The following PDE4D variants were observed in gnomAD, a reference collection of about 807,000 sequenced individuals.
PDE4D encodes the protein 3',5'-cyclic-AMP phosphodiesterase 4D.
A neutral mutation model predicts 87.4 loss-of-function variants in PDE4D; 24 were observed. That is an observed-to-expected ratio of 0.27 (90% CI 0.20 to 0.39). The LOEUF is 0.39. Ranked by LOEUF, PDE4D falls within the 10% of genes least tolerant of loss-of-function variation. The probability of loss-of-function intolerance (pLI) is 1.00; values close to 1 mark genes in which losing one functional copy is unlikely to be tolerated. For synonymous variants in PDE4D, 384 were observed against 383.2 expected (o/e 1.00, Z -0.02); for missense variants, 714 against 1,041.0 (o/e 0.69, Z 4.32).
At chr5:59,841,147 A>G (rs1196745261) in intron 1 of PDE4D, among the ~76,000 whole-genome samples, 1 of 152,104 alleles carries the variant, frequency 6.6e-6, no homozygotes, top group Non-Finnish European at 1.5e-5. Flanking sequence ...CATGAGAAGT[A>G]AATGAAGGAC....
At chr5:60,272,637 G>C (rs1048360066) in intron 1 of PDE4D, among the ~76,000 whole-genome samples, 4 of 152,172 alleles carry the variant, frequency 2.6e-5, no homozygotes, top group Non-Finnish European at 5.9e-5. Context: ...AACTGAAAGA[G>C]AGAGAAGGCA....
chr5:59,344,518 C>T lies in PDE4D; in HGVS notation c.456-128550G>A, dbSNP rs551379313. On this transcript the variant is annotated intron_variant, in intron 1 of 14. Coordinates refer to ENST00000340635, the MANE Select transcript of PDE4D (RefSeq NM_001104631.2). ...CCAGGCTCAAGCAATCCTCCCTCAGCCCCCAGAGTAGCTGAGACTACAGGC... is the reference window on the plus strand; with the variant it reads ...CCAGGCTCAAGCAATCCTCCCTCAGTCCCCAGAGTAGCTGAGACTACAGGC... 2.6e-5 allele frequency among the ~76,000 whole-genome samples: 4 copies of T among 152,210 alleles called. No homozygotes were observed. In the East Asian group the frequency reaches 5.8e-4, roughly 22 times the overall value.
intron 1 of PDE4D, among the ~76,000 whole-genome samples, chr5:59,695,370 A>T (rs1580478179): frequency 6.6e-6 from 1 of 152,094 alleles, no homozygotes; most frequent in Non-Finnish European, 1.5e-5. Context: ...TATTGCCATA[A>T]TATTATACCA....
intron 2 of PDE4D, among the ~76,000 whole-genome samples, chr5:60,151,331 A>C (rs1436801066): frequency 6.6e-6 from 1 of 152,108 alleles, no homozygotes; most frequent in African/African-American, 2.4e-5. Flanking sequence ...TTTCATAAGG[A>C]TTGTATTGAA....
intron 1 of PDE4D, among the ~76,000 whole-genome samples, chr5:59,651,213 G>A (rs1030932995): frequency 2.7e-5 from 4 of 149,998 alleles, no homozygotes; most frequent in Non-Finnish European, 4.4e-5. Context: ...CCGAGATCGC[G>A]CCACTGCACT....
At chr5:60,217,825 A>G (rs889283740) in intron 1 of PDE4D, among the ~76,000 whole-genome samples, 4 of 151,958 alleles carry the variant, frequency 2.6e-5, no homozygotes, top group Non-Finnish European at 5.9e-5. Flanking sequence ...TTAGAGAAAT[A>G]AAATTTAAAA....
intron 2 of PDE4D, among the ~76,000 whole-genome samples, chr5:60,063,125 A>G (rs1248690794): frequency 4.7e-5 from 7 of 150,092 alleles, no homozygotes; most frequent in Non-Finnish European, 7.4e-5. Flanking sequence ...AAAGAAAGAA[A>G]GAAAGAAAGA....
At chr5:59,378,810 A>C (rs1785203904) in intron 1 of PDE4D, among the ~76,000 whole-genome samples, 1 of 152,166 alleles carries the variant, frequency 6.6e-6, no homozygotes, top group Non-Finnish European at 1.5e-5. Context: ...GGTCATTCTT[A>C]AGGAATTCTT....
chr5:59,093,248 G>T (rs1157021340), intron 5 of PDE4D, among the ~76,000 whole-genome samples: 1 of 152,114 alleles, frequency 6.6e-6, no homozygotes, highest in Non-Finnish European at 1.5e-5. Flanking sequence ...TTTAGCGAGG[G>T]GCTGAAAGTG....
At chr5:59,531,130 A>T (rs1462323689) in intron 1 of PDE4D, among the ~76,000 whole-genome samples, 2 of 152,224 alleles carry the variant, frequency 1.3e-5, no homozygotes, top group African/African-American at 4.8e-5. Context: ...AAATCATCAC[A>T]CATGGTTCCC....
chr5:60,224,395 G>C (rs1744851763), intron 1 of PDE4D, among the ~76,000 whole-genome samples: 2 of 152,058 alleles, frequency 1.3e-5, no homozygotes, highest in African/African-American at 4.8e-5. Flanking sequence ...TTTTTATAAT[G>C]TTCATGCCCC....
At chr5:60,367,727 G>T (rs1303971440) in intron 1 of PDE4D, among the ~76,000 whole-genome samples, 1 of 152,076 alleles carries the variant, frequency 6.6e-6, no homozygotes, top group Non-Finnish European at 1.5e-5. Context: ...ATAGTCTTCT[G>T]TACTATTTGA....
rs547198098 is a variant in PDE4D at position 59,693,027 on chromosome 5, C to T, written c.455+200141G>A. On this transcript the variant is annotated intron_variant, in intron 1 of 14. Coordinates refer to ENST00000340635, the MANE Select transcript of PDE4D (RefSeq NM_001104631.2). ...AGCAAGAAAAGTTTTCAGATTTGTG[C>T]ACATTAATTATAATATTAAAGCTGA... 2.1e-3 allele frequency among the ~76,000 whole-genome samples: 312 copies of T among 152,032 alleles called. 1 individual carries two copies. Among genetic ancestry groups the T allele is most frequent in the African/African-American group, 7.0e-3 (292 of 41,472 alleles).
chr5:60,425,285 A>G (rs924825758), intron 1 of PDE4D, among the ~76,000 whole-genome samples: 1 of 152,222 alleles, frequency 6.6e-6, no homozygotes, highest in African/African-American at 2.4e-5. Context: ...TTCAAACTAT[A>G]CTACAAGGCT....
chr5:59,297,846 A>G (rs539408854), intron 1 of PDE4D, among the ~76,000 whole-genome samples: 1 of 152,278 alleles, frequency 6.6e-6, no homozygotes, highest in East Asian at 1.9e-4. Context: ...AAGGAAGGCA[A>G]TTTCCTTGAG....
intron 1 of PDE4D, among the ~76,000 whole-genome samples, chr5:59,863,508 CT>C: frequency 6.6e-6 from 1 of 152,198 alleles, no homozygotes; most frequent in Non-Finnish European, 1.5e-5. Flanking sequence ...CACCGAATAT[CT>C]TTTAACTTCA....
chr5:60,122,535 G>A (rs778588212), intron 2 of PDE4D, among the ~76,000 whole-genome samples: 20 of 152,338 alleles, frequency 1.3e-4, no homozygotes, highest in Non-Finnish European at 2.8e-4. Context: ...AGCACGAGCT[G>A]TACTTTGGCC....
chr5:60,279,358 T>A (rs1378853064), intron 1 of PDE4D, among the ~76,000 whole-genome samples: 1 of 152,182 alleles, frequency 6.6e-6, no homozygotes, highest in East Asian at 1.9e-4. Context: ...CCACTGACAC[T>A]GAGAATAGAA....
At chr5:60,209,451 T>G (rs1562221269) in intron 1 of PDE4D, among the ~76,000 whole-genome samples, 1 of 152,282 alleles carries the variant, frequency 6.6e-6, no homozygotes, top group South Asian at 2.1e-4. Flanking sequence ...ACAAACACAC[T>G]AGAATTTTAG....
Sources: gnomAD v4.1 joint callset for allele counts (sites outside exome capture counted in the v4.1 genomes callset) on GRCh38, gnomAD v4.1.1 for gene constraint, MANE v1.5 for transcripts, NCBI Gene and HGNC (gene_info 2026-07-23, HGNC 2026-07-21) for gene names.